UBAC1: variants seen among roughly 807,000 people sequenced by gnomAD.
UBAC1 encodes UBA domain containing 1, also known as ubiquitin-associated domain-containing protein 1.
In UBAC1, 27 loss-of-function variants were observed where a neutral mutation model predicts 45.9. The observed-to-expected ratio is 0.59, with a 90% confidence interval of 0.43 to 0.81. The LOEUF (loss-of-function observed/expected upper bound fraction) is 0.81, where lower values mean the gene tolerates loss of function less well. Among genes scored for constraint, UBAC1 ranks in the 30% least tolerant of loss-of-function variants. The pLI is 0.00. For missense variants in UBAC1, 529 were observed against 539.2 expected (o/e 0.98, Z 0.19); for synonymous variants, 227 against 215.5 (o/e 1.05, Z -0.47).
At chr9:135,947,768 C>T in intron 4 of UBAC1, 30 bp downstream of exon 4, 2 of 1,588,734 alleles carry the variant, frequency 1.3e-6, no homozygotes, top group Non-Finnish European at 8.6e-7. Context: ...GGACCCCATG[C>T]ACCCGCCGCC....
chr9:135,952,587 A>G (rs1441961951), intron 3 of UBAC1, among the ~76,000 whole-genome samples: 2 of 152,250 alleles, frequency 1.3e-5, no homozygotes, highest in East Asian at 3.8e-4. Context: ...GGTGCAGACC[A>G]TGAATCAATA....
intron 7 of UBAC1, chr9:135,942,081 G>A (rs1246502053): frequency 1.3e-5 from 2 of 152,232 alleles, no homozygotes; most frequent in African/African-American, 4.8e-5. Flanking sequence ...TTAGGAAAAC[G>A]AGCACGTTAA....
intron 2 of UBAC1, among the ~76,000 whole-genome samples, chr9:135,954,513 A>G (rs1012652149): frequency 1.3e-5 from 2 of 152,150 alleles, no homozygotes; most frequent in Non-Finnish European, 2.9e-5. Context: ...CTTTTGCATG[A>G]TATCTGCATG....
chr9:135,941,302 A>G (rs1839266657), intron 7 of UBAC1, among the ~76,000 whole-genome samples: 1 of 152,118 alleles, frequency 6.6e-6, no homozygotes, highest in African/African-American at 2.4e-5. Context: ...GCTACTCGGG[A>G]GCCTGAGGCA....
intron 6 of UBAC1, 36 bp downstream of exon 6, chr9:135,945,853 G>T: frequency 1.3e-6 from 2 of 1,579,880 alleles, no homozygotes; most frequent in Non-Finnish European, 1.7e-6. Context: ...GGCCCCAGGT[G>T]TCTCCGGCAA....
At chr9:135,938,813 T>TGG (rs71384033) in intron 8 of UBAC1, among the ~76,000 whole-genome samples, 114 of 120,134 alleles carry the variant, frequency 9.5e-4, no homozygotes, top group South Asian at 8.7e-3. Context: ...CGGGGGATGG[T>TGG]GGGGGGGGGA....
chr9:135,947,497 C>T, intron 4 of UBAC1: 1 of 297,260 alleles, frequency 3.4e-6, no homozygotes, highest in Non-Finnish European at 6.2e-6. Flanking sequence ...AGGTGATCCA[C>T]CCGCTTCGGG....
intron 6 of UBAC1, chr9:135,945,502 T>G (rs1839320011): frequency 1.9e-6 from 1 of 520,010 alleles, no homozygotes; most frequent in African/African-American, 1.9e-5. Context: ...AGATATCTGC[T>G]GAGGGCTTAG....
intron 1 of UBAC1, among the ~76,000 whole-genome samples, chr9:135,958,435 A>G (rs2131096488): frequency 6.6e-6 from 1 of 152,324 alleles, no homozygotes; most frequent in South Asian, 2.1e-4. Context: ...TGGAAGCTAG[A>G]GGCCACCACG....
At chr9:135,933,726 G>T (rs1839173611) in intron 9 of UBAC1, among the ~76,000 whole-genome samples, 1 of 152,196 alleles carries the variant, frequency 6.6e-6, no homozygotes, top group Non-Finnish European at 1.5e-5. Flanking sequence ...ATCACAGAGA[G>T]TCATGCACTC....
rs1443051132 is a variant in UBAC1, at chr9:135,933,323, G to C, written c.*77C>G. 8.2e-7 allele frequency: 1 copy of C among 1,218,604 alleles called. No individual in the cohort carries two copies. Among genetic ancestry groups the C allele is most frequent in the African/African-American group, 1.5e-5 (1 of 67,340 alleles). The allele number at this position is 1,218,604 out of a possible 1,614,324, so 75.5% of individuals were successfully genotyped here. A position where few individuals can be genotyped will look rare whatever the true frequency, so the allele number is the denominator to read the frequency against. ...CTGAGGCGCTGAAGGTGAGTTTCCA[G>C]GTGAGGTCCACTCTGCCCGGTCTCG... On this transcript the variant is annotated 3_prime_UTR_variant, in exon 10 of 10. Transcript: ENST00000371756.
At chr9:135,943,619 G>A (rs1387142969) in intron 7 of UBAC1, among the ~76,000 whole-genome samples, 1 of 152,128 alleles carries the variant, frequency 6.6e-6, no homozygotes, top group Admixed American at 6.5e-5. Flanking sequence ...TATACCCAAA[G>A]GAATAGAAAT....
Position 135,961,089 on chromosome 9 carries a change from T to A in UBAC1, c.74A>T (p.Glu25Val). ...GTCCTCGGTGGCCTCCTCCAGCCACTCGGCGCCGTCGGACGCGCAGATGTG... is the reference window on the plus strand; with the variant it reads ...GTCCTCGGTGGCCTCCTCCAGCCACACGGCGCCGTCGGACGCGCAGATGTG... ...RLHICASDGA[E>V]WLEEATEDTS... The change falls in exon 1 of 10, where the codon GAG (glutamate) becomes GTG (valine). Residue 25 changes from glutamate to valine, a missense_variant. Transcript: ENST00000371756. The A allele has an allele frequency of 6.3e-7, 1 of 1,585,594 alleles. No individual in the cohort carries two copies. The highest frequency in any genetic ancestry group is 1.1e-5 in the South Asian group (1 of 88,524).
chr9:135,947,642 A>T, intron 4 of UBAC1, 156 bp downstream of exon 4: 1 of 495,250 alleles, frequency 2.0e-6, no homozygotes, highest in Non-Finnish European at 3.4e-6. Context: ...TTACAGAAAA[A>T]ATGCAAAATA....
chr9:135,954,782 G>A (rs1364124714), intron 2 of UBAC1, among the ~76,000 whole-genome samples: 2 of 152,202 alleles, frequency 1.3e-5, no homozygotes, highest in African/African-American at 4.8e-5. Context: ...GAGCTTGATG[G>A]TCATCTCAGC....
At chr9:135,955,133 T>C (rs1839451107) in intron 2 of UBAC1, among the ~76,000 whole-genome samples, 162 bp downstream of exon 2, 1 of 152,246 alleles carries the variant, frequency 6.6e-6, no homozygotes, top group Non-Finnish European at 1.5e-5. Flanking sequence ...ACAGAACTCT[T>C]TTTAATAAAG....
chr9:135,955,512 G>C (rs1487628844), intron 1 of UBAC1, 97 bp from the exon 2 acceptor site: 1 of 1,282,554 alleles, frequency 7.8e-7, no homozygotes, highest in African/African-American at 1.5e-5. Context: ...AATTTACTGG[G>C]TTTTCTTATG....
intron 3 of UBAC1, among the ~76,000 whole-genome samples, chr9:135,949,535 T>G (rs1839380749): frequency 6.6e-6 from 1 of 152,164 alleles, no homozygotes; most frequent in African/African-American, 2.4e-5. Context: ...AGGCGGCTGG[T>G]GCAGGGAGGA....
chr9:135,951,350 T>C (rs548027957), intron 3 of UBAC1, among the ~76,000 whole-genome samples: 1 of 152,096 alleles, frequency 6.6e-6, no homozygotes, highest in East Asian at 1.9e-4. Context: ...ATTATCTGGG[T>C]GTGGTGGCAC....
Sources: allele counts gnomAD v4.1 joint callset (sites outside exome capture counted in the v4.1 genomes callset), GRCh38; gene constraint gnomAD v4.1.1; transcripts MANE v1.5; gene names NCBI Gene and HGNC (gene_info 2026-07-23, HGNC 2026-07-21).